IMPG1: variants seen among roughly 807,000 people sequenced by gnomAD.
IMPG1 encodes interphotoreceptor matrix proteoglycan 1.
IMPG1 carries 85 observed loss-of-function variants against 92.0 expected under a neutral mutation model. The observed-to-expected ratio is 0.92, with a 90% confidence interval of 0.78 to 1.11. IMPG1 has a LOEUF of 1.11. Among genes scored for constraint, IMPG1 ranks in the 50% least tolerant of loss-of-function variants. The pLI, the probability that IMPG1 is intolerant of heterozygous loss-of-function variation, is 0.00. For synonymous variants in IMPG1, 367 were observed against 334.1 expected (o/e 1.10, Z -1.08); for missense variants, 1,022 against 956.0 (o/e 1.07, Z -0.91).
At chr6:76,043,906 C>T (rs1783888871) in intron 1 of IMPG1, among the ~76,000 whole-genome samples, 1 of 152,242 alleles carries the variant, frequency 6.6e-6, no homozygotes, top group African/African-American at 2.4e-5. Flanking sequence ...TGGATCACCA[C>T]CTTGACTCTC....
chr6:75,932,980 C>T (rs1025080894), intron 14 of IMPG1, among the ~76,000 whole-genome samples: 2 of 152,136 alleles, frequency 1.3e-5, no homozygotes, highest in African/African-American at 4.8e-5. Flanking sequence ...GGATTACAGG[C>T]GTGAGCCACC....
At chr6:75,931,848 T>C (rs565436580) in intron 14 of IMPG1, among the ~76,000 whole-genome samples, 61 of 152,346 alleles carry the variant, frequency 4.0e-4, no homozygotes, top group African/African-American at 1.4e-3. Context: ...GGATTAGAAA[T>C]CAAGAGAATC....
In IMPG1 at chr6:76,021,479, C is replaced by T. The variant is rs117151612; in HGVS notation, c.666+637G>A. Among the ~76,000 whole-genome samples, 862 of 152,046 alleles carry T rather than the reference C, an allele frequency of 5.7e-3. 32 individuals are homozygous for T. In the East Asian group the frequency reaches 0.09, roughly 16 times the overall value. ...TATTTTACAGAGTTCGACAATTTGT[C>T]GACAATGAGGACAGTGTTTCCCTTC... On this transcript the variant is annotated intron_variant, in intron 6 of 16. Transcript: ENST00000369950.
intron 12 of IMPG1, among the ~76,000 whole-genome samples, chr6:75,987,257 C>T (rs1275540558): frequency 1.3e-5 from 2 of 151,132 alleles, no homozygotes; most frequent in African/African-American, 4.9e-5. Context: ...TGTCATTGCC[C>T]AGGAAGATGG....
At chr6:75,989,252 A>G (rs1345349469) in intron 12 of IMPG1, among the ~76,000 whole-genome samples, 1 of 152,110 alleles carries the variant, frequency 6.6e-6, no homozygotes, top group Non-Finnish European at 1.5e-5. Flanking sequence ...TGCCTGGCTA[A>G]TTTTTGTTTC....
At chr6:76,022,592 A>C (rs967293187) in intron 5 of IMPG1, among the ~76,000 whole-genome samples, 4 of 152,214 alleles carry the variant, frequency 2.6e-5, no homozygotes, top group Non-Finnish European at 5.9e-5. Context: ...CCAAGTCTTT[A>C]AAATGTAGAT....
intron 2 of IMPG1, among the ~76,000 whole-genome samples, chr6:76,038,837 C>T (rs977109170): frequency 2.0e-5 from 3 of 152,226 alleles, no homozygotes; most frequent in Non-Finnish European, 4.4e-5. Context: ...GCAGGAAGAA[C>T]CCCAGGGAGC....
intron 8 of IMPG1, among the ~76,000 whole-genome samples, 187 bp from the exon 9 acceptor site, chr6:76,007,687 G>A (rs1783121442): frequency 6.6e-6 from 1 of 152,146 alleles, no homozygotes; most frequent in Non-Finnish European, 1.5e-5. Flanking sequence ...GAAACTTTGA[G>A]AGAGATATGA....
At chr6:75,927,679 G>T (rs1282228951) in intron 15 of IMPG1, among the ~76,000 whole-genome samples, 1 of 151,822 alleles carries the variant, frequency 6.6e-6, no homozygotes, top group Non-Finnish European at 1.5e-5. Flanking sequence ...GGTAATAAGG[G>T]CATTTCTCCC....
At chr6:75,998,920 G>A (rs1042272455) in intron 12 of IMPG1, among the ~76,000 whole-genome samples, 1 of 152,060 alleles carries the variant, frequency 6.6e-6, no homozygotes. Flanking sequence ...GTAGTGGAGC[G>A]ATCTTGGCTC....
rs535404926 is a variant in IMPG1, at chr6:76,006,551, T to C, written c.887+929A>G. On this transcript the variant is annotated intron_variant, in intron 9 of 16. Transcript: ENST00000369950. ...ATACGTGTGTGTGTGTGTATGTGTA[T>C]ATATATATATACATATGTGTTGTAA... Among the ~76,000 whole-genome samples the C allele has an allele frequency of 2.2e-3, 336 of 149,864 alleles. 3 individuals carry two copies. Among genetic ancestry groups the C allele is most frequent in the African/African-American group, 8.0e-3 (328 of 41,148 alleles).
chr6:75,956,587 T>A (rs1782126307), intron 12 of IMPG1, among the ~76,000 whole-genome samples: 2 of 152,304 alleles, frequency 1.3e-5, no homozygotes, highest in East Asian at 3.9e-4. Context: ...CATGTCTCTA[T>A]CTTCTTCACT....
At chr6:76,043,846 A>C (rs913627362) in intron 1 of IMPG1, among the ~76,000 whole-genome samples, 1 of 152,186 alleles carries the variant, frequency 6.6e-6, no homozygotes, top group Admixed American at 6.5e-5. Flanking sequence ...TGGTGATGTC[A>C]TCCTCGGGCA....
At chr6:76,011,128 AATTT>A in intron 8 of IMPG1, 34 bp downstream of exon 8, 1 of 1,089,486 alleles carries the variant, frequency 9.2e-7, no homozygotes. Flanking sequence ...GGAAGAAAGT[AATTT>A]AAAAATTGAG....
Position 76,034,482 on chromosome 6 carries a change from C to T in IMPG1, c.468+139G>A. On this transcript the variant is annotated intron_variant, in intron 3 of 16. Transcript: ENST00000369950. The stretch of plus-strand genomic sequence containing the variant: ...ATATTATTTTGCAAGAATAAAATTT[C>T]TATTGGCCTAATCAGATACCTCCAA... 8 of 1,217,098 alleles carry T rather than the reference C, an allele frequency of 6.6e-6. 1 individual carries two copies. The South Asian group carries it at 9.8e-5, about 15-fold the overall frequency. 75.4% of individuals were successfully genotyped at this position (1,217,098 alleles called of 1,614,324 possible).
At chr6:76,056,756 A>T (rs933174719) in intron 1 of IMPG1, among the ~76,000 whole-genome samples, 4 of 152,134 alleles carry the variant, frequency 2.6e-5, no homozygotes, top group African/African-American at 9.7e-5. Flanking sequence ...TGTGGTTTTG[A>T]TTCACATTCC....
At chr6:75,945,031 G>A (rs977098456) in intron 14 of IMPG1, among the ~76,000 whole-genome samples, 58 of 152,278 alleles carry the variant, frequency 3.8e-4, no homozygotes, top group African/African-American at 1.1e-3. Context: ...TGAAACTGAC[G>A]TTAGCACCAT....
At chr6:76,035,018 G>T (rs113424477) in intron 2 of IMPG1, among the ~76,000 whole-genome samples, 1 of 150,422 alleles carries the variant, frequency 6.6e-6, no homozygotes, top group African/African-American at 2.4e-5. Context: ...GTGTGTGTGC[G>T]TGTGTGTGTG....
intron 2 of IMPG1, among the ~76,000 whole-genome samples, chr6:76,040,581 G>A (rs1783818157): frequency 6.6e-6 from 1 of 152,190 alleles, no homozygotes; most frequent in African/African-American, 2.4e-5. Context: ...CTGTGGAGAT[G>A]CCCTTCTAGG....
Sources: allele counts gnomAD v4.1 joint callset (sites outside exome capture counted in the v4.1 genomes callset), GRCh38; gene constraint gnomAD v4.1.1; transcripts MANE v1.5; gene names NCBI Gene and HGNC (gene_info 2026-07-23, HGNC 2026-07-21).